The following KLB variants were observed in gnomAD, a reference collection of about 807,000 sequenced individuals.
KLB encodes klotho beta.
Under a neutral mutation model 88.4 loss-of-function variants are expected in KLB, and 44 were observed. That is an observed-to-expected ratio of 0.50 (90% CI 0.39 to 0.64). The LOEUF is 0.64. Ranked by LOEUF, KLB falls within the 30% of genes least tolerant of loss-of-function variation. The probability of loss-of-function intolerance (pLI) is 0.00; values close to 1 mark genes in which losing one functional copy is unlikely to be tolerated. For synonymous variants in KLB, 548 were observed against 513.4 expected (o/e 1.07, Z -0.91); for missense variants, 1,137 against 1,304.8 (o/e 0.87, Z 1.98).
At chr4:39,435,258 C>T (rs1320041056) in intron 2 of KLB, among the ~76,000 whole-genome samples, 2 of 151,956 alleles carry the variant, frequency 1.3e-5, no homozygotes, top group African/African-American at 2.4e-5. Context: ...GCTGGGATTA[C>T]AGGTGCATGC....
intron 3 of KLB, among the ~76,000 whole-genome samples, chr4:39,439,054 G>A (rs555038666): frequency 6.1e-4 from 91 of 150,104 alleles, no homozygotes; most frequent in African/African-American, 2.1e-3. Flanking sequence ...CCAGACTGGA[G>A]TGCAGTGGCA....
chr4:39,439,810 G>C (rs1399684467), intron 3 of KLB, among the ~76,000 whole-genome samples: 1 of 152,150 alleles, frequency 6.6e-6, no homozygotes, highest in Non-Finnish European at 1.5e-5. Flanking sequence ...TGGGACTACA[G>C]GCGTGTGCCA....
At chr4:39,424,843 G>C (rs914702291) in intron 1 of KLB, among the ~76,000 whole-genome samples, 6 of 152,008 alleles carry the variant, frequency 3.9e-5, no homozygotes, top group Non-Finnish European at 7.4e-5. Context: ...TGGCCAGGCT[G>C]TTCTCGAATT....
In KLB at chr4:39,437,797, G is replaced by A. The variant is rs1338536028; in HGVS notation, c.1407G>A (p.Gln469=). ...AWSLLDGFEW[Q]DAYTIRRGLF... ...CTCTCCTGGATGGCTTTGAATGGCA[G>A]GATGCTTACACCATCCGCCGAGGAT... The change falls in exon 3 of 5, where the codon CAG becomes CAA. Residue 469 remains glutamine (Q), a synonymous_variant. Coordinates refer to ENST00000257408, the MANE Select transcript of KLB (RefSeq NM_175737.4). The A allele has an allele frequency of 1.2e-6, 2 of 1,614,168 alleles. No individual in the cohort carries two copies. Among genetic ancestry groups the A allele is most frequent in the Non-Finnish European group, 8.5e-7 (1 of 1,180,016 alleles).
At chr4:39,438,225 G>GCATAT (rs1475729959) in intron 3 of KLB, among the ~76,000 whole-genome samples, 1 of 152,204 alleles carries the variant, frequency 6.6e-6, no homozygotes, top group African/African-American at 2.4e-5. Flanking sequence ...GAGGTGAAGA[G>GCATAT]GCTGCCCTCA....
chr4:39,442,836 T>C (rs1391462739), intron 3 of KLB, among the ~76,000 whole-genome samples: 1 of 152,224 alleles, frequency 6.6e-6, no homozygotes, highest in Non-Finnish European at 1.5e-5. Context: ...ATTCTTATTA[T>C]GATTCCCAGG....
intron 1 of KLB, among the ~76,000 whole-genome samples, 188 bp downstream of exon 1, chr4:39,407,962 T>A (rs1477136725): frequency 6.6e-6 from 1 of 152,258 alleles, no homozygotes; most frequent in Non-Finnish European, 1.5e-5. Context: ...TTTTAATGTA[T>A]TAATCCAATT....
At chr4:39,448,110 T>G (rs952112467) in intron 4 of KLB, among the ~76,000 whole-genome samples, 191 bp from the exon 5 acceptor site, 1 of 152,200 alleles carries the variant, frequency 6.6e-6, no homozygotes, top group Non-Finnish European at 1.5e-5. Context: ...TTTTCAGACT[T>G]AAATTATACA....
intron 1 of KLB, among the ~76,000 whole-genome samples, chr4:39,408,089 G>T (rs555261577): frequency 6.6e-6 from 1 of 152,218 alleles, no homozygotes; most frequent in South Asian, 2.1e-4. Flanking sequence ...AAATTTAATT[G>T]TTGGAACCCT....
At chr4:39,420,848 G>A (rs993030551) in intron 1 of KLB, among the ~76,000 whole-genome samples, 2 of 151,368 alleles carry the variant, frequency 1.3e-5, no homozygotes, top group Non-Finnish European at 2.9e-5. Flanking sequence ...TAATGCATTT[G>A]TATTGCAAAA....
At chr4:39,425,137 AG>A (rs1270849668) in intron 1 of KLB, among the ~76,000 whole-genome samples, 5 of 152,218 alleles carry the variant, frequency 3.3e-5, no homozygotes, top group Non-Finnish European at 7.3e-5. Flanking sequence ...TCCGGCAAAG[AG>A]AACTTCACTA....
At chr4:39,415,698 A>C (rs1742950350) in intron 1 of KLB, among the ~76,000 whole-genome samples, 1 of 152,200 alleles carries the variant, frequency 6.6e-6, no homozygotes, top group Non-Finnish European at 1.5e-5. Context: ...ACAATAGTCA[A>C]TAAAGTATAT....
rs892620114 is a variant in KLB at position 39,451,103 on chromosome 4, C to T, written c.*2417C>T. On this transcript the variant is annotated 3_prime_UTR_variant, in exon 5 of 5. Transcript: ENST00000257408. ...TAACCCAGTACTGAGAGTCCTCCTT[C>T]TCTGCCACTTGGGCATTATTTTACT... is the stretch of plus-strand genomic sequence containing the variant. 6.6e-6 allele frequency: 1 copy of T among 152,160 alleles called. No homozygotes were observed. Among genetic ancestry groups the T allele is most frequent in the Non-Finnish European group, 1.5e-5 (1 of 68,028 alleles). 9.4% of individuals were successfully genotyped at this position (152,160 alleles called of 1,614,324 possible). A position where few individuals can be genotyped will look rare whatever the true frequency, so the allele number is the denominator to read the frequency against.
Position 39,407,303 on chromosome 4 carries a change from T to C in KLB, c.354T>C (p.Leu118=). ...SIWDHFIHTH[L]KNVSSTNGSS... is the part of the protein sequence containing the mutation. Reference sequence around the variant, plus strand: ...GGGATCATTTCATCCACACACACCTTAAAAATGTCAGCAGCACGAATGGTT... The same window carrying C: ...GGGATCATTTCATCCACACACACCTCAAAAATGTCAGCAGCACGAATGGTT... The change falls in exon 1 of 5, where the codon CTT becomes CTC. Residue 118 remains leucine (L), a synonymous_variant. Transcript: ENST00000257408. 1 of 1,614,136 alleles carries C rather than the reference T, an allele frequency of 6.2e-7. No individual in the cohort carries two copies. Among genetic ancestry groups the C allele is most frequent in the East Asian group, 2.2e-5 (1 of 44,886 alleles).
chr4:39,445,169 G>C (rs890836370), intron 3 of KLB, among the ~76,000 whole-genome samples: 3 of 152,144 alleles, frequency 2.0e-5, no homozygotes, highest in Non-Finnish European at 2.9e-5. Context: ...TAGCGCTTTA[G>C]AGTTCCCAGA....
intron 1 of KLB, among the ~76,000 whole-genome samples, chr4:39,421,569 G>A (rs1578204050): frequency 6.6e-6 from 1 of 152,248 alleles, no homozygotes; most frequent in Admixed American, 6.5e-5. Context: ...GGCCAACACG[G>A]CAAGACCCCG....
chr4:39,440,618 T>C (rs565549608), intron 3 of KLB, among the ~76,000 whole-genome samples: 55 of 151,786 alleles, frequency 3.6e-4, no homozygotes, highest in African/African-American at 1.3e-3. Flanking sequence ...GAGTTTTGCT[T>C]TGTTGCCTGG....
At position 39,407,022 on chromosome 4, in the gene KLB, C is replaced by T. The variant is rs750040544; in HGVS notation, c.73C>T (p.Arg25Cys). Residue 25 changes from arginine (R) to cysteine (C), a missense_variant, in exon 1 of 5, where the codon CGC becomes TGC. Transcript: ENST00000257408. ...IFFSTDEITT[R>C]YRNTMSNGGL... The stretch of plus-strand genomic sequence containing the variant: ...CTTCAGCACTGATGAAATAACCACA[C>T]GCTATAGGAATACAATGTCCAACGG... 110 of 1,613,966 alleles carry T rather than the reference C, an allele frequency of 6.8e-5. No individual in the cohort carries two copies. Among genetic ancestry groups the T allele is most frequent in the Admixed American group, 5.5e-4 (33 of 59,988 alleles).
intron 3 of KLB, among the ~76,000 whole-genome samples, chr4:39,444,521 A>T (rs887386102): frequency 3.3e-5 from 5 of 152,192 alleles, no homozygotes; most frequent in Non-Finnish European, 7.3e-5. Flanking sequence ...GATTTTAGAA[A>T]CAAGCTCTGG....
Sources: gnomAD v4.1 joint callset for allele counts (sites outside exome capture counted in the v4.1 genomes callset) on GRCh38, gnomAD v4.1.1 for gene constraint, MANE v1.5 for transcripts, NCBI Gene and HGNC (gene_info 2026-07-23, HGNC 2026-07-21) for gene names.